ARHGEF3: variants seen among roughly 807,000 people sequenced by gnomAD.
ARHGEF3 encodes Rho guanine nucleotide exchange factor 3.
In ARHGEF3, 28 loss-of-function variants were observed where a neutral mutation model predicts 63.2. That is an observed-to-expected ratio of 0.44 (90% CI 0.33 to 0.61). The LOEUF is 0.61. Ranked by LOEUF, ARHGEF3 falls within the 20% of genes least tolerant of loss-of-function variation. The probability of loss-of-function intolerance (pLI) is 0.03; values close to 1 mark genes in which losing one functional copy is unlikely to be tolerated. For synonymous variants in ARHGEF3, 266 were observed against 254.2 expected (o/e 1.05, Z -0.44); for missense variants, 533 against 659.3 (o/e 0.81, Z 2.10).
At position 57,015,494 on chromosome 3, in the gene ARHGEF3, C is replaced by A. The variant is rs932115277; in HGVS notation, c.62+19594G>T. ...TGTTGCCCAGGCTGGAGTGCAGTTG[C>A]AGGATCATGGCTCACTGTAACCTCA... On this transcript the variant is annotated intron_variant, in intron 2 of 12. Transcript: ENST00000338458. 2.0e-5 allele frequency among the ~76,000 whole-genome samples: 3 copies of A among 151,940 alleles called. No homozygotes were observed. The East Asian group carries it at 5.8e-4, about 29-fold the overall frequency.
intron 2 of ARHGEF3, among the ~76,000 whole-genome samples, chr3:56,967,183 A>T (rs1259777383): frequency 7.0e-6 from 1 of 142,482 alleles, no homozygotes; most frequent in Non-Finnish European, 1.5e-5. Flanking sequence ...TAAATACAGC[A>T]TTATTCAATT....
At chr3:56,794,578 T>C (rs1202643077) in intron 1 of ARHGEF3, among the ~76,000 whole-genome samples, 1 of 151,674 alleles carries the variant, frequency 6.6e-6, no homozygotes, top group Non-Finnish European at 1.5e-5. Flanking sequence ...TCTCATCATC[T>C]ATACTGAACA....
intron 2 of ARHGEF3, among the ~76,000 whole-genome samples, chr3:56,982,990 A>T (rs955852967): frequency 6.6e-6 from 1 of 152,200 alleles, no homozygotes; most frequent in Non-Finnish European, 1.5e-5. Context: ...CCTGCTTACA[A>T]ATAAATATCA....
chr3:56,977,767 C>A (rs1050481639), intron 2 of ARHGEF3, among the ~76,000 whole-genome samples: 4 of 152,052 alleles, frequency 2.6e-5, no homozygotes, highest in Non-Finnish European at 5.9e-5. Flanking sequence ...ATGGGTTCGG[C>A]CTCTAGGAAT....
intron 4 of ARHGEF3, among the ~76,000 whole-genome samples, chr3:56,850,998 C>A (rs965756323): frequency 2.0e-5 from 3 of 152,122 alleles, no homozygotes; most frequent in Non-Finnish European, 2.9e-5. Flanking sequence ...AAGACTGAAT[C>A]CCAGGCGGTC....
chr3:57,073,573 G>C, intron 1 of ARHGEF3: 5 of 1,439,112 alleles, frequency 3.5e-6, no homozygotes, highest in Non-Finnish European at 4.6e-6. Flanking sequence ...TGTGGCTGAA[G>C]GTGAATTGGA....
At chr3:56,918,248 G>T (rs535759430) in intron 3 of ARHGEF3, among the ~76,000 whole-genome samples, 1 of 152,292 alleles carries the variant, frequency 6.6e-6, no homozygotes, top group South Asian at 2.1e-4. Flanking sequence ...TCCTCTCTTG[G>T]AGTATTTTCT....
chr3:57,066,452 G>A (rs1381560006), intron 1 of ARHGEF3, among the ~76,000 whole-genome samples: 7 of 152,032 alleles, frequency 4.6e-5, no homozygotes, highest in Admixed American at 3.9e-4. Flanking sequence ...TAGTAGAGAC[G>A]GGGTTTCACC....
At chr3:57,002,515 T>TA (rs1560123154) in intron 2 of ARHGEF3, among the ~76,000 whole-genome samples, 1 of 60,394 alleles carries the variant, frequency 1.7e-5, no homozygotes, top group Non-Finnish European at 3.8e-5. Context: ...TATATATATG[T>TA]TATATATGTA....
chr3:57,072,614 T>C (rs1262891039), intron 1 of ARHGEF3, among the ~76,000 whole-genome samples: 1 of 148,762 alleles, frequency 6.7e-6, no homozygotes. Context: ...TGGTGGCACA[T>C]GCCTGTAGTC....
chr3:56,969,365 G>T (rs1700804977), intron 2 of ARHGEF3, among the ~76,000 whole-genome samples: 2 of 113,822 alleles, frequency 1.8e-5, no homozygotes, highest in Non-Finnish European at 3.8e-5. Flanking sequence ...TTTATATAAA[G>T]AAGTGTTCTT....
At chr3:57,002,676 CATT>C (rs979790548) in intron 2 of ARHGEF3, among the ~76,000 whole-genome samples, 2 of 148,568 alleles carry the variant, frequency 1.3e-5, no homozygotes, top group Non-Finnish European at 3.0e-5. Flanking sequence ...TTGTCACACA[CATT>C]ATTTCGTCAC....
chr3:56,927,346 T>C (rs1404760397), intron 3 of ARHGEF3, among the ~76,000 whole-genome samples: 1 of 152,198 alleles, frequency 6.6e-6, no homozygotes, highest in East Asian at 1.9e-4. Context: ...AGCCCCCATG[T>C]GGCACAACAA....
intron 4 of ARHGEF3, among the ~76,000 whole-genome samples, chr3:56,844,432 C>A (rs2039416462): frequency 6.6e-6 from 1 of 151,986 alleles, no homozygotes; most frequent in Non-Finnish European, 1.5e-5. Flanking sequence ...ATCTTGTCTG[C>A]CTCTGTTAAT....
At chr3:56,990,381 C>T (rs763664285) in intron 2 of ARHGEF3, among the ~76,000 whole-genome samples, 1 of 152,172 alleles carries the variant, frequency 6.6e-6, no homozygotes, top group South Asian at 2.1e-4. Flanking sequence ...GTCAAGAGTT[C>T]GAGACCAGCC....
intron 2 of ARHGEF3, among the ~76,000 whole-genome samples, chr3:56,996,897 T>A (rs796404982): frequency 0.16 from 22,940 of 147,328 alleles, 2,073 homozygotes; most frequent in Non-Finnish European, 0.2. Flanking sequence ...ATTATTTTTT[T>A]TTTTTTTTGC....
intron 6 of ARHGEF3, among the ~76,000 whole-genome samples, chr3:56,750,070 T>C (rs933764778): frequency 1.3e-5 from 2 of 152,216 alleles, no homozygotes; most frequent in Admixed American, 6.5e-5. Context: ...TTAGCTGTTG[T>C]GGTACTTCCT....
intron 2 of ARHGEF3, among the ~76,000 whole-genome samples, chr3:57,030,234 C>T (rs1429802664): frequency 6.6e-5 from 10 of 152,208 alleles, no homozygotes; most frequent in Admixed American, 4.6e-4. Context: ...GGGCCTGGGC[C>T]GGATGTCAGG....
In ARHGEF3 at chr3:56,814,652, A is replaced by G. The variant is rs2038199860; in HGVS notation, c.193-40836T>C. Among the ~76,000 whole-genome samples, 5 of 149,928 alleles carry G rather than the reference A, an allele frequency of 3.3e-5. No homozygotes were observed. In the South Asian group the frequency reaches 1.1e-3, roughly 33 times the overall value. On this transcript the variant is annotated intron_variant, in intron 4 of 12. Transcript: ENST00000338458. ...TATTATTAACCCTTCCGGTAAATAA[A>G]TCATCCTTCTCCCTTTTTTTTTAAA...
Sources: gnomAD v4.1 joint callset for allele counts (sites outside exome capture counted in the v4.1 genomes callset) on GRCh38, gnomAD v4.1.1 for gene constraint, MANE v1.5 for transcripts, NCBI Gene and HGNC (gene_info 2026-07-23, HGNC 2026-07-21) for gene names.